The following ETV7 variants were observed in gnomAD, a reference collection of about 807,000 sequenced individuals.
The protein encoded by ETV7 is transcription factor ETV7.
A neutral mutation model predicts 39.1 loss-of-function variants in ETV7; 43 were observed. The observed-to-expected ratio is 1.10, with a 90% CI of 0.86 to 1.42. ETV7 has a LOEUF of 1.42. Ranked by LOEUF, ETV7 falls within the 40% of genes most tolerant of loss-of-function variation. ETV7 has a pLI of 0.00. For synonymous variants in ETV7, 196 were observed against 176.6 expected, an observed-to-expected ratio of 1.11 and a Z score of -0.87; for missense variants, 432 against 442.3, an observed-to-expected ratio of 0.98 and a Z score of 0.21.
intron 2 of ETV7, among the ~76,000 whole-genome samples, chr6:36,384,879 T>C (rs1335649362): frequency 2.0e-5 from 3 of 151,728 alleles, no homozygotes; most frequent in African/African-American, 4.8e-5. Context: ...AGAGTGAGAC[T>C]CCATCACAAA....
At chr6:36,387,460 A>G (rs1773970514) in intron 1 of ETV7, 76 bp downstream of exon 1, 3 of 1,599,344 alleles carry the variant, frequency 1.9e-6, no homozygotes, top group Non-Finnish European at 2.6e-6. Flanking sequence ...AGGTTTGGAA[A>G]TCTAGGTGGT....
intron 7 of ETV7, among the ~76,000 whole-genome samples, chr6:36,360,331 TAAG>T (rs1772454409): frequency 6.6e-6 from 1 of 152,070 alleles, no homozygotes; most frequent in Non-Finnish European, 1.5e-5. Context: ...AAAGTGATCA[TAAG>T]AAGAGGAGAT....
At chr6:36,363,456 G>A (rs1250256320), downstream of ETV7, among the ~76,000 whole-genome samples, 5 of 151,434 alleles carry the variant, frequency 3.3e-5, no homozygotes, top group African/African-American at 1.2e-4. Flanking sequence ...TCTTAAAGCA[G>A]CACATCTGGA....
intron 2 of ETV7, 87 bp from the exon 3 acceptor site, chr6:36,376,122 C>T (rs891742381): frequency 4.6e-6 from 6 of 1,291,544 alleles, no homozygotes; most frequent in African/African-American, 1.5e-5. Context: ...AGCAGATGCT[C>T]CCCTGTCCTG....
At chr6:36,372,387 G>T (rs77934893) in intron 4 of ETV7, among the ~76,000 whole-genome samples, 2 of 152,080 alleles carry the variant, frequency 1.3e-5, no homozygotes, top group African/African-American at 4.8e-5. Context: ...CTTGGACTCC[G>T]AGTGAGAAGG....
Position 36,366,235 on chromosome 6 carries a change from C to T in ETV7, c.*410G>A, listed in dbSNP as rs1252577819. ...TTATTGTTACTGAGGCTGTCAGTGC[C>T]GCCTGGAAGCACTAACACTTTTTCC... is the stretch of plus-strand genomic sequence containing the variant. On this transcript the variant is annotated 3_prime_UTR_variant, in exon 8 of 8. Transcript: ENST00000340181. 4 of 1,029,454 alleles carry T rather than the reference C, an allele frequency of 3.9e-6. No individual in the cohort carries two copies. The highest frequency in any genetic ancestry group is 3.5e-6 in the Non-Finnish European group (3 of 856,404). The allele number at this position is 1,029,454 out of a possible 1,614,324, so 63.8% of individuals were successfully genotyped here.
Position 36,385,491 on chromosome 6 carries a change from ATT to A in ETV7, c.142+41_142+42del, listed in dbSNP as rs150316656. 7,569 of 1,613,336 alleles carry A rather than the reference ATT, an allele frequency of 4.7e-3. 271 individuals carry two copies. The African/African-American group carries it at 0.082, about 18-fold the overall frequency. On this transcript the variant is annotated intron_variant, in intron 2 of 7. Coordinates refer to ENST00000340181, the MANE Select transcript of ETV7 (RefSeq NM_016135.4). The stretch of plus-strand genomic sequence containing the variant: ...ACCCTGGATCTAAAACAAAATAAAA[ATT>A]TACTTTTAAAAACTCAGCTTTTCTC...
chr6:36,375,981 G>T lies in ETV7; in HGVS notation c.197C>A (p.Ala66Glu). The T allele has an allele frequency of 6.2e-7, 1 of 1,611,792 alleles. No individual in the cohort carries two copies. The highest frequency in any genetic ancestry group is 8.5e-7 in the Non-Finnish European group (1 of 1,180,006). The stretch of plus-strand genomic sequence containing the variant: ...GCATGGCAGAGAGTACTCCTGCTCT[G>T]CCCAGCGCAGCCAGTGCAGCACGTC... ...REDVLHWLRW[A>E]EQEYSLPCTA... Residue 66 changes from alanine (A) to glutamate (E), a missense_variant, in exon 3 of 8, where the codon GCA (alanine) becomes GAA (glutamate). Physicochemically the swap from Ala to Glu is moderately radical, Grantham distance 107 (BLOSUM62 -1). Coordinates refer to ENST00000340181, the MANE Select transcript of ETV7 (RefSeq NM_016135.4).
intron 4 of ETV7, 94 bp from the exon 5 acceptor site, chr6:36,371,654 A>T (rs898327227): frequency 9.0e-7 from 1 of 1,109,192 alleles, no homozygotes; most frequent in African/African-American, 1.5e-5. Context: ...CCTGTGGGGC[A>T]GCACTCCTGA....
At chr6:36,365,986 A>G (rs1053624165), downstream of ETV7, among the ~76,000 whole-genome samples, 4 of 152,188 alleles carry the variant, frequency 2.6e-5, no homozygotes, top group African/African-American at 9.7e-5. Context: ...AGCCTGGCCA[A>G]CATGGTGAAA....
Position 36,375,883 on chromosome 6 carries a change from C to CA in ETV7, c.294dup (p.Ala99CysfsTer6). On this transcript the variant is annotated frameshift_variant, in exon 3 of 8. Transcript: ENST00000340181. LOFTEE classifies it high-confidence loss of function. ...GCGTTTCCCTGACCTGAGCTGGGCG[C>CA]ACGGTGCCGGAAGTCGTCCTTGGTG... 1 of 1,614,052 alleles carries CA rather than the reference C, an allele frequency of 6.2e-7. No homozygotes were observed. The highest frequency in any genetic ancestry group is 8.5e-7 in the Non-Finnish European group (1 of 1,180,032).
At chr6:36,378,387 CA>C (rs1487276613) in intron 2 of ETV7, among the ~76,000 whole-genome samples, 2 of 151,982 alleles carry the variant, frequency 1.3e-5, no homozygotes, top group Non-Finnish European at 2.9e-5. Context: ...AAGTAGAAAT[CA>C]AAAACCAAAT....
At chr6:36,387,450 A>G in intron 1 of ETV7, 86 bp downstream of exon 1, 1 of 1,564,052 alleles carries the variant, frequency 6.4e-7, no homozygotes, top group East Asian at 2.2e-5. Context: ...CTGATAAAAT[A>G]GGTTTGGAAA....
In ETV7 at chr6:36,358,895, T is replaced by C. The variant is rs369571781; in HGVS notation, c.909-4208A>G. ...TTTCCAGCCAGAGCACTTTCAACAA[T>C]ACACCGTGCTTCCTTGAGTTAGGAT... On this transcript the variant is annotated intron_variant, in intron 7 of 7. Coordinates refer to the ETV7 transcript ENST00000339796. Among the ~76,000 whole-genome samples, 3 of 152,312 alleles carry C rather than the reference T, an allele frequency of 2.0e-5. No individual in the cohort carries two copies. In the East Asian group the frequency reaches 5.8e-4, roughly 29 times the overall value.
intron 2 of ETV7, among the ~76,000 whole-genome samples, chr6:36,378,300 C>G (rs1358746929): frequency 6.7e-6 from 1 of 149,224 alleles, no homozygotes; most frequent in African/African-American, 2.5e-5. Flanking sequence ...GTCCTCACCT[C>G]CCACCATTCA....
chr6:36,354,744 G>A, intron 7 of ETV7: 1 of 677,268 alleles, frequency 1.5e-6, no homozygotes, highest in Non-Finnish European at 2.7e-6. Context: ...TGAATATGTA[G>A]ACCAATTTAG....
chr6:36,372,729 C>T (rs2127391828), intron 4 of ETV7, among the ~76,000 whole-genome samples: 1 of 134,530 alleles, frequency 7.4e-6, no homozygotes. Flanking sequence ...GGATATCAGG[C>T]ATTTGGTTTA....
In ETV7 at chr6:36,373,598, A is replaced by C; in HGVS notation, c.308-20T>G. 2 of 402,754 alleles carry C rather than the reference A, an allele frequency of 5.0e-6. No individual in the cohort carries two copies. Among genetic ancestry groups the C allele is most frequent in the Non-Finnish European group, 8.9e-6 (2 of 225,526 alleles). The allele number at this position is 402,754 out of a possible 1,614,324, so 24.9% of individuals were successfully genotyped here. ...CGTCACCTGGAGGTGGGTGGGAGGGAGGGCAGGCTGCTGAACAGGCCACGT... is the reference window on the plus strand; with the variant it reads ...CGTCACCTGGAGGTGGGTGGGAGGGCGGGCAGGCTGCTGAACAGGCCACGT... On this transcript the variant is annotated intron_variant, in intron 3 of 7. Transcript: ENST00000340181.
downstream of ETV7, among the ~76,000 whole-genome samples, chr6:36,362,874 C>G (rs77085279): frequency 2.0e-5 from 3 of 152,314 alleles, no homozygotes; most frequent in Non-Finnish European, 4.4e-5. Flanking sequence ...CATCAACCCA[C>G]CAGCAGGCAA....
Sources: gnomAD v4.1 joint callset for allele counts (sites outside exome capture counted in the v4.1 genomes callset) on GRCh38, gnomAD v4.1.1 for gene constraint, MANE v1.5 for transcripts, NCBI Gene and HGNC (gene_info 2026-07-23, HGNC 2026-07-21) for gene names.